KCNQ5: variants seen among roughly 807,000 people sequenced by gnomAD.
KCNQ5 encodes potassium voltage-gated channel subfamily KQT member 5.
KCNQ5 carries 30 observed loss-of-function variants against 98.2 expected under a neutral mutation model. The observed-to-expected ratio is 0.31, with a 90% CI of 0.23 to 0.41. KCNQ5 has a LOEUF of 0.41. Among genes scored for constraint, KCNQ5 ranks in the 10% least tolerant of loss-of-function variants. KCNQ5 has a pLI of 1.00. For synonymous variants in KCNQ5, 458 were observed against 449.4 expected (o/e 1.02, Z -0.24); for missense variants, 835 against 1,182.5 (o/e 0.71, Z 4.31).
At chr6:73,174,110 T>G (rs1166416235) in intron 11 of KCNQ5, among the ~76,000 whole-genome samples, 1 of 151,714 alleles carries the variant, frequency 6.6e-6, no homozygotes, top group African/African-American at 2.4e-5. Context: ...TTTTTAAAAC[T>G]ATTTCAACAG....
intron 1 of KCNQ5, among the ~76,000 whole-genome samples, chr6:72,630,750 AG>A (rs1187258138): frequency 6.6e-6 from 1 of 152,176 alleles, no homozygotes; most frequent in Non-Finnish European, 1.5e-5. Context: ...CTGAAACTAG[AG>A]GGAAAAATAG....
chr6:73,010,424 G>A (rs1159895647), intron 2 of KCNQ5, among the ~76,000 whole-genome samples: 1 of 151,940 alleles, frequency 6.6e-6, no homozygotes, highest in Admixed American at 6.6e-5. Context: ...AAAGGTGAAA[G>A]ACTAAAACTT....
chr6:72,788,561 A>G (rs1323637164), intron 1 of KCNQ5, among the ~76,000 whole-genome samples: 1 of 152,260 alleles, frequency 6.6e-6, no homozygotes, highest in East Asian at 1.9e-4. Flanking sequence ...CTTATTTATT[A>G]TACTATACAG....
At chr6:72,883,187 C>G (rs1778708457) in intron 1 of KCNQ5, among the ~76,000 whole-genome samples, 1 of 152,166 alleles carries the variant, frequency 6.6e-6, no homozygotes, top group South Asian at 2.1e-4. Context: ...TACCCATGCT[C>G]TGCACTCTCA....
chr6:73,067,997 A>G (rs1225595175), intron 3 of KCNQ5, among the ~76,000 whole-genome samples: 1 of 152,032 alleles, frequency 6.6e-6, no homozygotes, highest in African/African-American at 2.4e-5. Flanking sequence ...TCTATATACT[A>G]TAAGAATACA....
At chr6:72,850,470 C>CAGCACT (rs1377591126) in intron 1 of KCNQ5, among the ~76,000 whole-genome samples, 4 of 152,314 alleles carry the variant, frequency 2.6e-5, no homozygotes, top group South Asian at 2.1e-4. Context: ...CACACAGCAG[C>CAGCACT]AGCACTCTGT....
chr6:72,735,047 G>T (rs1402713628), intron 1 of KCNQ5, among the ~76,000 whole-genome samples: 1 of 152,184 alleles, frequency 6.6e-6, no homozygotes, highest in African/African-American at 2.4e-5. Context: ...GGTTAGAAGA[G>T]AAGTCAAGTG....
At chr6:73,194,398 G>A (rs1047245925) in intron 13 of KCNQ5, 54 bp from the exon 14 acceptor site, 10 of 1,502,452 alleles carry the variant, frequency 6.7e-6, no homozygotes, top group African/African-American at 1.4e-5. Flanking sequence ...AAAAAATGAA[G>A]TCCATTCTTA....
intron 1 of KCNQ5, among the ~76,000 whole-genome samples, chr6:72,975,381 G>A (rs1017038965): frequency 4.6e-5 from 7 of 152,144 alleles, no homozygotes; most frequent in African/African-American, 1.7e-4. Flanking sequence ...TATTTTTGGA[G>A]AGAGGAAGTT....
chr6:72,753,392 T>G (rs1322563292), intron 1 of KCNQ5, among the ~76,000 whole-genome samples: 1 of 152,140 alleles, frequency 6.6e-6, no homozygotes, highest in Non-Finnish European at 1.5e-5. Context: ...TGATTATGAA[T>G]GAAATTTCTA....
At chr6:72,746,064 C>CAAAAAAAAAAAAAAAAAAAAAAA (rs59726566) in intron 1 of KCNQ5, among the ~76,000 whole-genome samples, 3 of 80,148 alleles carry the variant, frequency 3.7e-5, no homozygotes, top group African/African-American at 1.0e-4. Flanking sequence ...ACTCTATTTG[C>CAAAAAAAAAAAAAAAAAAAAAAA]AAAAAAAAAA....
intron 1 of KCNQ5, among the ~76,000 whole-genome samples, chr6:72,631,140 G>T (rs1381572733): frequency 2.6e-5 from 4 of 152,180 alleles, no homozygotes; most frequent in Non-Finnish European, 5.9e-5. Context: ...GTAAATAGTG[G>T]TGCTATTAAC....
intron 1 of KCNQ5, among the ~76,000 whole-genome samples, chr6:72,840,766 A>G (rs963867823): frequency 2.6e-5 from 4 of 152,232 alleles, no homozygotes; most frequent in African/African-American, 9.6e-5. Context: ...TTGCAATAAT[A>G]TAGGAATGTA....
chr6:72,858,630 CATT>C (rs1738638205), intron 1 of KCNQ5, among the ~76,000 whole-genome samples: 1 of 151,026 alleles, frequency 6.6e-6, no homozygotes, highest in South Asian at 2.1e-4. Context: ...TTAATTTTTC[CATT>C]ATTTTATTTT....
chr6:73,096,336 CAAA>C (rs151045845), intron 5 of KCNQ5, among the ~76,000 whole-genome samples: 14 of 115,236 alleles, frequency 1.2e-4, no homozygotes, highest in Non-Finnish European at 1.5e-4. Flanking sequence ...GGTCCTTAGG[CAAA>C]AAAAAAAAAA....
chr6:72,664,136 G>A (rs1031145581), intron 1 of KCNQ5, among the ~76,000 whole-genome samples: 2 of 152,182 alleles, frequency 1.3e-5, no homozygotes, highest in South Asian at 4.1e-4. Context: ...GAATACAGGA[G>A]TGAACAGAAA....
intron 1 of KCNQ5, among the ~76,000 whole-genome samples, chr6:72,854,712 C>CT (rs577045832): frequency 4.4e-5 from 6 of 135,874 alleles, no homozygotes; most frequent in East Asian, 2.1e-4. Context: ...CAACCTCTCT[C>CT]TTTCTTTGTA....
intron 1 of KCNQ5, among the ~76,000 whole-genome samples, chr6:72,760,866 GA>G (rs984877962): frequency 7.3e-5 from 11 of 151,702 alleles, no homozygotes; most frequent in South Asian, 2.1e-4. Context: ...CGTTAGTTAA[GA>G]AAAAAAAGTA....
At chr6:72,998,027 T>G (rs1769387476) in intron 1 of KCNQ5, among the ~76,000 whole-genome samples, 1 of 152,186 alleles carries the variant, frequency 6.6e-6, no homozygotes, top group African/African-American at 2.4e-5. Context: ...ACTTCTCTTA[T>G]GGAAACATTA....
Sources: allele counts gnomAD v4.1 joint callset (sites outside exome capture counted in the v4.1 genomes callset), GRCh38; gene constraint gnomAD v4.1.1; transcripts MANE v1.5; gene names NCBI Gene and HGNC (gene_info 2026-07-23, HGNC 2026-07-21).